The following EFCAB8 variants were observed in gnomAD, a reference collection of about 807,000 sequenced individuals.
The protein encoded by EFCAB8 is EF-hand calcium binding domain 8, also known as EF-hand calcium-binding domain-containing protein 8.
EFCAB8 carries 100 observed loss-of-function variants against 116.3 expected under a neutral mutation model. That is an observed-to-expected ratio of 0.86 (90% CI 0.73 to 1.02). The LOEUF (loss-of-function observed/expected upper bound fraction) is 1.02, where lower values mean the gene tolerates loss of function less well. Among genes scored for constraint, EFCAB8 ranks in the 50% least tolerant of loss-of-function variants. The pLI, the probability that EFCAB8 is intolerant of heterozygous loss-of-function variation, is 0.00. For synonymous variants in EFCAB8, 558 were observed against 567.9 expected, an observed-to-expected ratio of 0.98 and a Z score of 0.25; for missense variants, 1,320 against 1,416.9, an observed-to-expected ratio of 0.93 and a Z score of 1.10.
intron 4 of EFCAB8, among the ~76,000 whole-genome samples, chr20:32,876,974 AAAAC>A (rs1985006343): frequency 6.6e-6 from 1 of 151,698 alleles, no homozygotes; most frequent in African/African-American, 2.4e-5. Flanking sequence ...TCTCAGGAAA[AAAAC>A]AAAACAAAAC....
At position 32,885,498 on chromosome 20, in the gene EFCAB8, CCCACAGGA is replaced by C; in HGVS notation, c.432-6_433del. Reference sequence around the variant, plus strand: ...TGGGCTCTTCTCTCTTTCATCGCCTCCCACAGGAACCATGGCTGTGAGGTGGTGAAGGT... The same window carrying C: ...TGGGCTCTTCTCTCTTTCATCGCCTCACCATGGCTGTGAGGTGGTGAAGGT... On this transcript the variant is annotated splice_acceptor_variant and splice_polypyrimidine_tract_variant and coding_sequence_variant and intron_variant, in exon 6 of 27. Coordinates refer to ENST00000400522, the MANE Select transcript of EFCAB8 (RefSeq NM_001143967.2). LOFTEE classifies it high-confidence loss of function. 1 of 1,551,734 alleles carries C rather than the reference CCCACAGGA, an allele frequency of 6.4e-7. No individual in the cohort carries two copies. The highest frequency in any genetic ancestry group is 8.7e-7 in the Non-Finnish European group (1 of 1,146,972).
At chr20:32,875,688 T>C (rs1039837581) in intron 3 of EFCAB8, among the ~76,000 whole-genome samples, 2 of 151,694 alleles carry the variant, frequency 1.3e-5, no homozygotes, top group African/African-American at 4.8e-5. Flanking sequence ...TTTGTATTTT[T>C]AGTAGAGACA....
chr20:32,961,548 C>A lies in EFCAB8; in HGVS notation c.3806C>A (p.Pro1269Gln). 2 of 1,407,538 alleles carry A rather than the reference C, an allele frequency of 1.4e-6. No individual in the cohort carries two copies. The highest frequency in any genetic ancestry group is 1.9e-6 in the Non-Finnish European group (2 of 1,078,800). 87.2% of individuals were successfully genotyped at this position (1,407,538 alleles called of 1,614,324 possible). A position where few individuals can be genotyped will look rare whatever the true frequency, so the allele number is the denominator to read the frequency against. ...ATTGTCTCCTCCTTCGAGCGGCCCC[C>A]AAGGCCTCTGAAGGCCACCTTCATG... is the stretch of plus-strand genomic sequence containing the variant. ...KHIVSSFERPPRPLKATFMSS... is the reference protein window; with the variant it reads ...KHIVSSFERPQRPLKATFMSS... The change falls in exon 27 of 27, where the codon CCA becomes CAA. Residue 1269 changes from proline to glutamine, a missense_variant. Transcript: ENST00000400522.
At chr20:32,893,990 C>T (rs1350866733) in intron 9 of EFCAB8, among the ~76,000 whole-genome samples, 2 of 152,144 alleles carry the variant, frequency 1.3e-5, no homozygotes, top group Non-Finnish European at 2.9e-5. Context: ...TGCTTTTAGC[C>T]TTTTGCTGGG....
intron 1 of EFCAB8, among the ~76,000 whole-genome samples, chr20:32,861,859 C>T (rs1247363055): frequency 1.3e-5 from 2 of 152,160 alleles, no homozygotes; most frequent in African/African-American, 4.8e-5. Context: ...GTATATGTTT[C>T]CAGGCTCTTT....
chr20:32,875,229 A>G (rs1984898954), intron 3 of EFCAB8, among the ~76,000 whole-genome samples: 1 of 152,160 alleles, frequency 6.6e-6, no homozygotes, highest in African/African-American at 2.4e-5. Context: ...TGTTGAGCAG[A>G]TAAGATGCAA....
At chr20:32,949,865 C>T (rs1461921087) in intron 23 of EFCAB8, among the ~76,000 whole-genome samples, 4 of 152,144 alleles carry the variant, frequency 2.6e-5, no homozygotes, top group Non-Finnish European at 5.9e-5. Context: ...CCAGGCATGG[C>T]GGTGCCTGCC....
At chr20:32,948,704 C>G (rs181086163) in intron 23 of EFCAB8, among the ~76,000 whole-genome samples, 1 of 152,058 alleles carries the variant, frequency 6.6e-6, no homozygotes, top group Admixed American at 6.5e-5. Flanking sequence ...CCCAGATATA[C>G]AAGGTTGGTT....
At chr20:32,878,613 G>A (rs1349444598) in intron 4 of EFCAB8, 91 bp from the exon 5 acceptor site, 4 of 1,008,476 alleles carry the variant, frequency 4.0e-6, no homozygotes, top group Non-Finnish European at 6.0e-6. Context: ...CGCTTCCCGG[G>A]TTCACGCCAT....
At chr20:32,958,802 C>T (rs1989051221) in intron 24 of EFCAB8, among the ~76,000 whole-genome samples, 1 of 152,230 alleles carries the variant, frequency 6.6e-6, no homozygotes, top group African/African-American at 2.4e-5. Flanking sequence ...AATACAAAAA[C>T]CCAAGTGCTT....
intron 22 of EFCAB8, among the ~76,000 whole-genome samples, chr20:32,934,474 C>T (rs1988027578): frequency 1.3e-5 from 2 of 152,066 alleles, no homozygotes; most frequent in African/African-American, 4.8e-5. Context: ...TGGATATATA[C>T]CCAGAAGTGG....
At chr20:32,892,105 G>T (rs1985947753) in intron 7 of EFCAB8, 108 bp from the exon 8 acceptor site, 5 of 988,644 alleles carry the variant, frequency 5.1e-6, no homozygotes, top group Non-Finnish European at 7.7e-6. Flanking sequence ...GGGAAAAAGG[G>T]CTGAAGGGGC....
intron 5 of EFCAB8, 71 bp from the exon 6 acceptor site, chr20:32,885,434 G>C: frequency 6.5e-7 from 1 of 1,536,386 alleles, no homozygotes; most frequent in Non-Finnish European, 8.8e-7. Flanking sequence ...GTGGCTCTCT[G>C]TTCTGCCGCA....
chr20:32,897,799 C>CA (rs1986235548), intron 10 of EFCAB8, among the ~76,000 whole-genome samples: 1 of 152,128 alleles, frequency 6.6e-6, no homozygotes, highest in African/African-American at 2.4e-5. Context: ...TTCATTGCGA[C>CA]AGATGCTTGG....
chr20:32,890,011 A>AG (rs1329233779), intron 7 of EFCAB8, among the ~76,000 whole-genome samples: 1 of 151,798 alleles, frequency 6.6e-6, no homozygotes, highest in African/African-American at 2.4e-5. Context: ...AAAAAAAAAA[A>AG]AAAAAAAAGC....
intron 11 of EFCAB8, among the ~76,000 whole-genome samples, chr20:32,899,665 C>T (rs1284079670): frequency 6.6e-6 from 1 of 151,790 alleles, no homozygotes; most frequent in Non-Finnish European, 1.5e-5. Context: ...ACCTCTGCCT[C>T]CCGGGTTCAA....
intron 14 of EFCAB8, among the ~76,000 whole-genome samples, chr20:32,909,398 A>G (rs1462464226): frequency 6.6e-6 from 1 of 152,238 alleles, no homozygotes; most frequent in Non-Finnish European, 1.5e-5. Flanking sequence ...ACAGGGTAGA[A>G]GAAAAACAGA....
At chr20:32,887,828 C>T (rs1455083338) in intron 6 of EFCAB8, among the ~76,000 whole-genome samples, 1 of 152,224 alleles carries the variant, frequency 6.6e-6, no homozygotes, top group Non-Finnish European at 1.5e-5. Flanking sequence ...ACCCTCAATG[C>T]TTCAACTTTC....
chr20:32,960,548 C>T (rs912600027), intron 26 of EFCAB8, among the ~76,000 whole-genome samples: 3 of 152,238 alleles, frequency 2.0e-5, no homozygotes, highest in African/African-American at 7.2e-5. Flanking sequence ...ACTAGGGCAT[C>T]ATGCCAGGCC....
Sources: allele counts gnomAD v4.1 joint callset (sites outside exome capture counted in the v4.1 genomes callset), GRCh38; gene constraint gnomAD v4.1.1; transcripts MANE v1.5; gene names NCBI Gene and HGNC (gene_info 2026-07-23, HGNC 2026-07-21).